MYPN: variants seen among roughly 807,000 people sequenced by gnomAD.
The protein encoded by MYPN is sarcomeric protein myopalladin, 145 kDa (MYOP).
A neutral mutation model predicts 129.4 loss-of-function variants in MYPN; 63 were observed. The observed-to-expected ratio is 0.49, with a 90% CI of 0.40 to 0.60. MYPN has a LOEUF of 0.60. MYPN is among the 20% of genes least tolerant of loss of function. The probability of loss-of-function intolerance (pLI) is 0.00; values close to 1 mark genes in which losing one functional copy is unlikely to be tolerated. For synonymous variants in MYPN, 629 were observed against 600.9 expected, an observed-to-expected ratio of 1.05 and a Z score of -0.68; for missense variants, 1,596 against 1,635.4, an observed-to-expected ratio of 0.98 and a Z score of 0.42.
At chr10:68,094,034 A>G (rs994857549) in intron 1 of MYPN, among the ~76,000 whole-genome samples, 2 of 152,100 alleles carry the variant, frequency 1.3e-5, no homozygotes, top group Non-Finnish European at 2.9e-5. Context: ...CGAATATACT[A>G]TAATTAGCGT....
At chr10:68,137,087 A>G (rs1352479798) in intron 2 of MYPN, among the ~76,000 whole-genome samples, 1 of 152,096 alleles carries the variant, frequency 6.6e-6, no homozygotes, top group Non-Finnish European at 1.5e-5. Context: ...AATATTGTTT[A>G]TTCATTTTTA....
chr10:68,099,703 A>G (rs1370401285), intron 1 of MYPN, among the ~76,000 whole-genome samples: 1 of 152,158 alleles, frequency 6.6e-6, no homozygotes, highest in African/African-American at 2.4e-5. Context: ...CTTATTATGT[A>G]TTGTTGCTTC....
At chr10:68,097,016 T>C (rs979129963) in intron 1 of MYPN, among the ~76,000 whole-genome samples, 1 of 152,240 alleles carries the variant, frequency 6.6e-6, no homozygotes, top group Admixed American at 6.5e-5. Flanking sequence ...AGAAGGATTG[T>C]TTGATACCTG....
intron 2 of MYPN, among the ~76,000 whole-genome samples, chr10:68,136,926 A>G (rs914393609): frequency 3.3e-5 from 5 of 152,182 alleles, no homozygotes; most frequent in African/African-American, 9.7e-5. Flanking sequence ...ATTTACCTCT[A>G]GCTTCTAAAT....
intron 5 of MYPN, 65 bp downstream of exon 5, chr10:68,148,532 C>T: frequency 8.0e-7 from 1 of 1,253,614 alleles, no homozygotes; most frequent in Non-Finnish European, 1.2e-6. Flanking sequence ...TGACCATGAC[C>T]ATCTTGCATG....
intron 1 of MYPN, among the ~76,000 whole-genome samples, chr10:68,099,762 G>T (rs2041973406): frequency 1.3e-5 from 2 of 152,138 alleles, no homozygotes. Context: ...TAAATCACCT[G>T]CATTTCCAAG....
upstream of MYPN, among the ~76,000 whole-genome samples, chr10:68,102,908 C>T (rs946563218): frequency 3.8e-4 from 58 of 152,162 alleles, no homozygotes; most frequent in African/African-American, 1.3e-3. Context: ...ACATTATCAC[C>T]TGCATTTCGA....
rs886039040 is a variant in MYPN at position 68,142,936 on chromosome 10, G to T, written c.903-4G>T. ...GTCCAATGACCATATCCTTTTCCCT[G>T]CAGGTGGTACTGTGAAGGCAAGGAG... On this transcript the variant is annotated splice_polypyrimidine_tract_variant and splice_region_variant and intron_variant, in intron 2 of 19. Coordinates refer to ENST00000358913, the MANE Select transcript of MYPN (RefSeq NM_032578.4). The T allele has an allele frequency of 1.1e-5, 17 of 1,613,830 alleles. No homozygotes were observed. The highest frequency in any genetic ancestry group is 1.4e-5 in the Non-Finnish European group (17 of 1,179,866).
chr10:68,120,690 A>G (rs1452259059), intron 1 of MYPN, among the ~76,000 whole-genome samples: 6 of 152,230 alleles, frequency 3.9e-5, no homozygotes. Context: ...TATGTTGTCA[A>G]TATCTTTCAA....
chr10:68,118,219 CAACTTT>C (rs2042186130), intron 1 of MYPN, among the ~76,000 whole-genome samples: 1 of 152,040 alleles, frequency 6.6e-6, no homozygotes, highest in Non-Finnish European at 1.5e-5. Context: ...TAAAGTTCTT[CAACTTT>C]AACATCACCT....
At chr10:68,153,763 A>C (rs1589563118) in intron 6 of MYPN, among the ~76,000 whole-genome samples, 1 of 152,214 alleles carries the variant, frequency 6.6e-6, no homozygotes, top group African/African-American at 2.4e-5. Flanking sequence ...GGATGGTATC[A>C]TGTGGCTATG....
At position 68,122,098 on chromosome 10, in the gene MYPN, G is replaced by A. The variant is rs372218308; in HGVS notation, c.660G>A (p.Arg220=). The A allele has an allele frequency of 5.3e-5, 85 of 1,614,150 alleles. 1 individual carries two copies. The East Asian group carries it at 1.1e-3, about 22-fold the overall frequency. Residue 220 remains arginine, a synonymous_variant, in exon 2 of 20, where the codon AGG becomes AGA. Transcript: ENST00000358913. ...SVPIPIPADT[R]DNEVNHALEQ... is the part of the protein sequence containing the mutation. ...CCATCCCTATCCCTGCGGATACCAG[G>A]GATAATGAAGTGAATCACGCCCTGG...
chr10:68,201,099 A>T (rs2043702576), intron 17 of MYPN, among the ~76,000 whole-genome samples: 1 of 152,132 alleles, frequency 6.6e-6, no homozygotes, highest in Non-Finnish European at 1.5e-5. Context: ...TTGTGGAAAA[A>T]CTATTATGTC....
chr10:68,200,834 G>A lies in MYPN; in HGVS notation c.3494-995G>A, dbSNP rs115846048. Among the ~76,000 whole-genome samples the A allele has an allele frequency of 5.4e-3, 813 of 151,924 alleles. 7 individuals carry two copies. The highest frequency in any genetic ancestry group is 0.019 in the African/African-American group (790 of 41,446). ...CTCTAGGCTAGTGGCGGTTTCCCCT[G>A]TATATCTTTTTCCTTCCCTCACTTT... On this transcript the variant is annotated intron_variant, in intron 17 of 19. Transcript: ENST00000358913.
chr10:68,131,673 C>T (rs1192687319), intron 2 of MYPN, among the ~76,000 whole-genome samples: 1 of 152,122 alleles, frequency 6.6e-6, no homozygotes, highest in East Asian at 1.9e-4. Context: ...GCCACTATGC[C>T]AGCCTTCATA....
Position 68,122,054 on chromosome 10 carries a change from C to T in MYPN, c.616C>T (p.Arg206Ter), listed in dbSNP as rs1048506257. 4 of 1,613,982 alleles carry T rather than the reference C, an allele frequency of 2.5e-6. No homozygotes were observed. Among genetic ancestry groups the T allele is most frequent in the Admixed American group, 1.7e-5 (1 of 59,996 alleles). ...SSSFSDLSER[R>*]ERSSVPIPIP... Reference sequence around the variant, plus strand: ...CAGTTTCTCAGATCTGTCAGAAAGACGAGAAAGATCTTCTGTTCCCATCCC... The same window carrying T: ...CAGTTTCTCAGATCTGTCAGAAAGATGAGAAAGATCTTCTGTTCCCATCCC... The change falls in exon 2 of 20, where the codon CGA becomes TGA. Residue 206 changes from arginine to a stop codon, truncating the protein, a stop_gained. Transcript: ENST00000358913. LOFTEE classifies it high-confidence loss of function.
Position 68,188,983 on chromosome 10 carries a change from T to G in MYPN, c.2782T>G (p.Ser928Ala). 2 of 1,614,140 alleles carry G rather than the reference T, an allele frequency of 1.2e-6. No individual in the cohort carries two copies. The highest frequency in any genetic ancestry group is 1.7e-6 in the Non-Finnish European group (2 of 1,180,018). ...FRLERTPVDE[S>A]DDEIQHDEIP... ...CTTGGAACGTACTCCTGTTGATGAA[T>G]CAGATGATGAAATTCAACATGATGA... is the stretch of plus-strand genomic sequence containing the variant. The change falls in exon 13 of 20, where the codon TCA (serine) becomes GCA (alanine). Residue 928 changes from serine (S) to alanine (A), a missense_variant. Ser to Ala is a moderately conservative substitution (Grantham distance 99). Coordinates refer to ENST00000358913, the MANE Select transcript of MYPN (RefSeq NM_032578.4).
chr10:68,159,055 C>G (rs1245608569), intron 7 of MYPN, among the ~76,000 whole-genome samples: 1 of 152,124 alleles, frequency 6.6e-6, no homozygotes, highest in Non-Finnish European at 1.5e-5. Flanking sequence ...CAGTTATTGC[C>G]TTGGAATAAA....
At chr10:68,108,652 T>C (rs1482106990), upstream of MYPN, among the ~76,000 whole-genome samples, 1 of 152,232 alleles carries the variant, frequency 6.6e-6, no homozygotes, top group East Asian at 1.9e-4. Flanking sequence ...TTGATAATGT[T>C]ATAGCATCAT....
Sources: gnomAD v4.1 joint callset for allele counts (sites outside exome capture counted in the v4.1 genomes callset) on GRCh38, gnomAD v4.1.1 for gene constraint, MANE v1.5 for transcripts, NCBI Gene and HGNC (gene_info 2026-07-23, HGNC 2026-07-21) for gene names.